Variants in THADA observed in about 807,000 individuals in gnomAD.
THADA encodes tRNA (32-2'-O)-methyltransferase regulator THADA.
In THADA, 213 loss-of-function variants were observed where a neutral mutation model predicts 219.8. That is an observed-to-expected ratio of 0.97 (90% confidence interval 0.87 to 1.09). The LOEUF (loss-of-function observed/expected upper bound fraction) is 1.09, where lower values mean the gene tolerates loss of function less well. Ranked by LOEUF, THADA falls within the 50% of genes least tolerant of loss-of-function variation. The pLI is 0.00. For synonymous variants in THADA, 1,018 were observed against 828.9 expected, an observed-to-expected ratio of 1.23 and a Z score of -3.92; for missense variants, 2,956 against 2,311.3, an observed-to-expected ratio of 1.28 and a Z score of -5.72.
intron 8 of THADA, among the ~76,000 whole-genome samples, chr2:43,579,348 A>G (rs1270473234): frequency 1.3e-5 from 2 of 152,218 alleles, no homozygotes; most frequent in African/African-American, 4.8e-5. Flanking sequence ...TAAAGAATGT[A>G]GGTAAGTGCT....
intron 30 of THADA, among the ~76,000 whole-genome samples, chr2:43,335,373 G>A (rs991751398): frequency 6.6e-6 from 1 of 152,200 alleles, no homozygotes; most frequent in Non-Finnish European, 1.5e-5. Context: ...TAATTCTGGT[G>A]AACTGTGTGA....
At chr2:43,451,158 CCAGAG>C (rs1398337539) in intron 26 of THADA, among the ~76,000 whole-genome samples, 2 of 152,072 alleles carry the variant, frequency 1.3e-5, no homozygotes, top group African/African-American at 2.4e-5. Flanking sequence ...AACAAAGAAA[CCAGAG>C]CTGTTCTGGT....
At chr2:43,416,210 CAA>C (rs938229753) in intron 28 of THADA, among the ~76,000 whole-genome samples, 16 of 152,270 alleles carry the variant, frequency 1.1e-4, no homozygotes, top group African/African-American at 3.6e-4. Flanking sequence ...ACACATCACC[CAA>C]AAAGACAGAT....
chr2:43,584,575 A>T (rs1247346773), intron 7 of THADA, among the ~76,000 whole-genome samples: 1 of 152,234 alleles, frequency 6.6e-6, no homozygotes, highest in Non-Finnish European at 1.5e-5. Context: ...ACCAACAGCC[A>T]TGGGATTGAA....
chr2:43,524,233 T>C (rs1158683116), intron 22 of THADA, among the ~76,000 whole-genome samples: 1 of 152,254 alleles, frequency 6.6e-6, no homozygotes, highest in Non-Finnish European at 1.5e-5. Context: ...TTATGTGTGT[T>C]GCAAGTGTTG....
At position 43,369,114 on chromosome 2, in the gene THADA, T is replaced by G. The variant is rs534557694; in HGVS notation, c.4228-24877A>C. The stretch of plus-strand genomic sequence containing the variant: ...CTCGTTTCCCACAACTCTTACTTCA[T>G]GCCCCTTGATCTTGACCACCAAACA... On this transcript the variant is annotated intron_variant, in intron 29 of 37. Transcript: ENST00000405975. Among the ~76,000 whole-genome samples, 3 of 152,374 alleles carry G rather than the reference T, an allele frequency of 2.0e-5. No individual in the cohort carries two copies. In the South Asian group the frequency reaches 6.2e-4, roughly 32 times the overall value.
At chr2:43,495,679 C>A (rs79189602) in intron 25 of THADA, among the ~76,000 whole-genome samples, 1 of 152,032 alleles carries the variant, frequency 6.6e-6, no homozygotes, top group African/African-American at 2.4e-5. Flanking sequence ...AAAAGTTGGA[C>A]GAATCACCAG....
chr2:43,511,091 A>G (rs1330279401), intron 22 of THADA, among the ~76,000 whole-genome samples: 1 of 152,102 alleles, frequency 6.6e-6, no homozygotes, highest in African/African-American at 2.4e-5. Context: ...ACTTGATCTA[A>G]TATCTGTGGG....
intron 8 of THADA, among the ~76,000 whole-genome samples, chr2:43,580,556 T>C (rs1247163784): frequency 2.0e-5 from 3 of 152,042 alleles, no homozygotes; most frequent in Non-Finnish European, 4.4e-5. Flanking sequence ...GGACAAAATA[T>C]AGCTAAGACT....
intron 14 of THADA, among the ~76,000 whole-genome samples, chr2:43,567,416 G>A (rs751131157): frequency 6.6e-6 from 1 of 152,030 alleles, no homozygotes; most frequent in Admixed American, 6.6e-5. Context: ...GATCACCTGA[G>A]GTCAGAAGTT....
chr2:43,389,190 G>A (rs1232003012), intron 29 of THADA, among the ~76,000 whole-genome samples: 1 of 152,174 alleles, frequency 6.6e-6, no homozygotes, highest in Non-Finnish European at 1.5e-5. Flanking sequence ...GATCCAGAGG[G>A]AGACAAGCTG....
chr2:43,233,400 A>G (rs1170590840), intron 36 of THADA: 1 of 153,006 alleles, frequency 6.5e-6, no homozygotes, highest in East Asian at 1.9e-4. Context: ...GCCATGGACA[A>G]TCTGTAAACA....
intron 36 of THADA, among the ~76,000 whole-genome samples, chr2:43,256,947 A>C (rs1218559082): frequency 6.6e-6 from 1 of 152,198 alleles, no homozygotes; most frequent in African/African-American, 2.4e-5. Context: ...ACTGAAGCCA[A>C]GAGAGTAGAG....
At chr2:43,280,797 G>A (rs1023961569) in intron 35 of THADA, among the ~76,000 whole-genome samples, 3 of 152,132 alleles carry the variant, frequency 2.0e-5, no homozygotes, top group South Asian at 2.1e-4. Context: ...GTGCTGCTGC[G>A]GACAATGAAT....
intron 29 of THADA, among the ~76,000 whole-genome samples, chr2:43,357,222 G>A (rs1037259042): frequency 6.6e-6 from 1 of 152,064 alleles, no homozygotes; most frequent in Admixed American, 6.6e-5. Flanking sequence ...TTGATGAAGT[G>A]TAATAAAACA....
intron 29 of THADA, among the ~76,000 whole-genome samples, chr2:43,360,609 T>C (rs995499151): frequency 6.6e-6 from 1 of 152,226 alleles, no homozygotes; most frequent in Non-Finnish European, 1.5e-5. Flanking sequence ...CTGATGCCAC[T>C]ATGAAACCAT....
At chr2:43,396,967 G>A (rs1354896012) in intron 29 of THADA, among the ~76,000 whole-genome samples, 1 of 151,992 alleles carries the variant, frequency 6.6e-6, no homozygotes. Flanking sequence ...ATATCTTGTG[G>A]TGTACCCGGC....
At chr2:43,501,323 AAAAAAAAAAAAAAAAAG>A (rs1001877543) in intron 24 of THADA, among the ~76,000 whole-genome samples, 5 of 146,862 alleles carry the variant, frequency 3.4e-5, no homozygotes, top group African/African-American at 1.3e-4. Flanking sequence ...AAAAAAAAAA[AAAAAAAAAAAAAAAAAG>A]AGAGACTTTT....
intron 35 of THADA, among the ~76,000 whole-genome samples, chr2:43,284,684 G>A (rs576192160): frequency 6.6e-6 from 1 of 152,308 alleles, no homozygotes; most frequent in South Asian, 2.1e-4. Flanking sequence ...GTGGAGCTGC[G>A]AGAAGAGGAC....
Sources: gnomAD v4.1 joint callset for allele counts (sites outside exome capture counted in the v4.1 genomes callset) on GRCh38, gnomAD v4.1.1 for gene constraint, MANE v1.5 for transcripts, NCBI Gene and HGNC (gene_info 2026-07-23, HGNC 2026-07-21) for gene names.